Variants in FBXL12 observed in about 807,000 individuals in gnomAD.
FBXL12 encodes F-box/LRR-repeat protein 12.
In FBXL12, 22 loss-of-function variants were observed where a neutral mutation model predicts 24.9. The ratio of observed to expected loss-of-function variants is 0.88; its 90% CI spans 0.63 to 1.26. FBXL12 has a LOEUF of 1.26. Ranked by LOEUF, FBXL12 falls within the 50% of genes most tolerant of loss-of-function variation. The pLI is 0.00. For missense variants in FBXL12, 384 were observed against 434.1 expected (o/e 0.88, Z 1.03); for synonymous variants, 193 against 193.8 (o/e 1.00, Z 0.03).
chr19:9,811,384 G>C lies in FBXL12; in HGVS notation c.493C>G (p.Arg165Gly), dbSNP rs778279748. 2 of 1,612,628 alleles carry C rather than the reference G, an allele frequency of 1.2e-6. No individual in the cohort carries two copies. The highest frequency in any genetic ancestry group is 1.7e-6 in the Non-Finnish European group (2 of 1,179,960). The change falls in exon 3 of 3, where the codon CGT (arginine) becomes GGT (glycine). Residue 165 changes from arginine to glycine, a missense_variant. By Grantham distance (125) the Arg-to-Gly change is moderately radical (BLOSUM62 -2). Transcript: ENST00000247977. The surrounding 1 kb of genome is among the most constrained non-coding windows in gnomAD (Gnocchi z 6.0). ...GTCAGGCCCTGCAGGTGCTCGTCAC[G>C]GAAGGCGGGGACGCGGTCCAGCACG... Reference protein sequence around the residue: ...CIVLDRVPAFRDEHLQGLTRF... With the variant: ...CIVLDRVPAFGDEHLQGLTRF...
intron 2 of FBXL12, among the ~76,000 whole-genome samples, chr19:9,815,743 C>T (rs1253156568): frequency 6.6e-6 from 1 of 152,034 alleles, no homozygotes; most frequent in East Asian, 1.9e-4. Flanking sequence ...CAACCTTTGC[C>T]TCCCGGGTTC....
At chr19:9,816,833 C>T (rs1028993100) in intron 2 of FBXL12, among the ~76,000 whole-genome samples, 4 of 152,158 alleles carry the variant, frequency 2.6e-5, no homozygotes, top group Admixed American at 1.3e-4. Flanking sequence ...TAAAGACATA[C>T]CTGAGACTGG....
chr19:9,810,787 G>T lies in FBXL12; in HGVS notation c.*109C>A. On this transcript the variant is annotated 3_prime_UTR_variant, in exon 3 of 3. Coordinates refer to ENST00000247977, the MANE Select transcript of FBXL12 (RefSeq NM_017703.3). The stretch of plus-strand genomic sequence containing the variant: ...CTAGGCCTCTGTTCTCTCAACCTGG[G>T]GCTTTCAGTTTCCTCAAGTCTGATT... 1.2e-6 allele frequency: 1 copy of T among 857,098 alleles called. No individual in the cohort carries two copies. Among genetic ancestry groups the T allele is most frequent in the Non-Finnish European group, 1.8e-6 (1 of 565,820 alleles). The allele number at this position is 857,098 out of a possible 1,614,324, so 53.1% of individuals were successfully genotyped here. A position where few individuals can be genotyped will look rare whatever the true frequency, so the allele number is the denominator to read the frequency against.
chr19:9,818,139 G>A (rs921070613), intron 2 of FBXL12: 17 of 401,236 alleles, frequency 4.2e-5, no homozygotes, highest in Non-Finnish European at 7.5e-5. Flanking sequence ...TTGAGCTTGG[G>A]AGGTCGAGGC....
intron 2 of FBXL12, chr19:9,818,332 G>C (rs1373943634): frequency 1.7e-6 from 1 of 596,960 alleles, no homozygotes; most frequent in Admixed American, 3.0e-5. Context: ...CGTGAGGCAG[G>C]TACTGTCCTT....
intron 2 of FBXL12, among the ~76,000 whole-genome samples, chr19:9,813,864 C>T (rs985514935): frequency 3.3e-5 from 5 of 151,838 alleles, no homozygotes; most frequent in African/African-American, 1.2e-4. Context: ...GTCTCAAACA[C>T]CCGACCTCAA....
Position 9,810,892 on chromosome 19 carries a change from G to A in FBXL12, c.*4C>T. 6.4e-7 allele frequency: 1 copy of A among 1,569,266 alleles called. No individual in the cohort carries two copies. The highest frequency in any genetic ancestry group is 1.1e-5 in the South Asian group (1 of 87,506). ...GGGATGGGTCCCAAGGGCAGGTGGAGTAGTTACATCCACCAGTCCATAGAC... is the reference window on the plus strand; with the variant it reads ...GGGATGGGTCCCAAGGGCAGGTGGAATAGTTACATCCACCAGTCCATAGAC... On this transcript the variant is annotated 3_prime_UTR_variant, in exon 3 of 3. Transcript: ENST00000247977.
chr19:9,819,061 G>A lies in FBXL12; in HGVS notation c.-248C>T, dbSNP rs1051263228. On this transcript the variant is annotated 5_prime_UTR_variant, in exon 1 of 3. Coordinates refer to ENST00000247977, the MANE Select transcript of FBXL12 (RefSeq NM_017703.3). ...GAGGTGGCTGAGGCGTGATTTGGCC[G>A]CGACTGGGAACTAAGACCAAGTCCA... 2 of 572,108 alleles carry A rather than the reference G, an allele frequency of 3.5e-6. No individual in the cohort carries two copies. Among genetic ancestry groups the A allele is most frequent in the African/African-American group, 3.8e-5 (2 of 53,224 alleles). The allele number at this position is 572,108 out of a possible 1,614,324, so 35.4% of individuals were successfully genotyped here. A position where few individuals can be genotyped will look rare whatever the true frequency, so the allele number is the denominator to read the frequency against.
At position 9,810,966 on chromosome 19, in the gene FBXL12, C is replaced by T; in HGVS notation, c.911G>A (p.Cys304Tyr). 1 of 1,613,160 alleles carries T rather than the reference C, an allele frequency of 6.2e-7. No homozygotes were observed. The highest frequency in any genetic ancestry group is 8.5e-7 in the Non-Finnish European group (1 of 1,179,396). ...WEGQEAEKIL[C>Y]KGLPHCMVIV... is the part of the protein sequence containing the mutation. ...GACCATACAGTGGGGCAGCCCCTTA[C>T]ACAGGATCTTCTCCGCCTCCTGACC... is the stretch of plus-strand genomic sequence containing the variant. Residue 304 changes from cysteine (C) to tyrosine (Y), a missense_variant, in exon 3 of 3, where the codon TGT becomes TAT. Cys to Tyr is a radical substitution (Grantham distance 194, BLOSUM62 -2). Transcript: ENST00000247977.
At chr19:9,812,679 T>C (rs1224578464) in intron 2 of FBXL12, among the ~76,000 whole-genome samples, 1 of 148,554 alleles carries the variant, frequency 6.7e-6, no homozygotes, top group Non-Finnish European at 1.5e-5. Context: ...CCTTTCTTAA[T>C]GATCACCTCC....
chr19:9,813,983 T>C lies in FBXL12; in HGVS notation c.160-2266A>G, dbSNP rs575113315. On this transcript the variant is annotated intron_variant, in intron 2 of 2. Coordinates refer to ENST00000247977, the MANE Select transcript of FBXL12 (RefSeq NM_017703.3). Reference sequence around the variant, plus strand: ...AAACTCTTCCATTCACTGAAGAAAATAGCTTATCATCAATCCTTCAGAAAG... The same window carrying C: ...AAACTCTTCCATTCACTGAAGAAAACAGCTTATCATCAATCCTTCAGAAAG... Among the ~76,000 whole-genome samples, 104 of 152,186 alleles carry C rather than the reference T, an allele frequency of 6.8e-4. 1 individual carries two copies. The Middle Eastern group carries it at 0.027, about 40-fold the overall frequency.
At chr19:9,816,214 T>C (rs1355970248) in intron 2 of FBXL12, among the ~76,000 whole-genome samples, 1 of 152,178 alleles carries the variant, frequency 6.6e-6, no homozygotes, top group Admixed American at 6.5e-5. Flanking sequence ...TGACATGGCC[T>C]GGAGACATTT....
In FBXL12 at chr19:9,818,754, C is replaced by A. The variant is rs990802472; in HGVS notation, c.60G>T (p.Pro20=). 3.2e-6 allele frequency: 5 copies of A among 1,552,850 alleles called. No homozygotes were observed. The African/African-American group carries it at 4.1e-5, about 13-fold the overall frequency. Residue 20 remains proline, a synonymous_variant, in exon 1 of 3, where the codon CCG becomes CCT. Transcript: ENST00000247977. ...SVLLEIFSYL[P]VRDRIRISRV... ...TGGAGATGCGGATCCGGTCCCGTAC[C>A]GGGAGGTAAGAGAAGATCTCGAGCA...
chr19:9,811,589 G>A lies in FBXL12; in HGVS notation c.288C>T (p.Ala96=). ...APQLSPALLR[A]LGQKCPNLKR... Reference sequence around the variant, plus strand: ...TCAGGTTGGGGCACTTCTGGCCCAGGGCTCTCAACAGAGCAGGGGACAACT... The same window carrying A: ...TCAGGTTGGGGCACTTCTGGCCCAGAGCTCTCAACAGAGCAGGGGACAACT... Residue 96 remains alanine (A), a synonymous_variant, in exon 3 of 3, where the codon GCC becomes GCT. Transcript: ENST00000247977. This position sits in a 1 kb window ranked among gnomAD's most constrained non-coding sequence, Gnocchi z 6.0. The A allele has an allele frequency of 6.3e-7, 1 of 1,577,474 alleles. No homozygotes were observed. The highest frequency in any genetic ancestry group is 8.6e-7 in the Non-Finnish European group (1 of 1,159,536).
chr19:9,817,484 G>T (rs2045909227), intron 2 of FBXL12, among the ~76,000 whole-genome samples: 1 of 152,140 alleles, frequency 6.6e-6, no homozygotes, highest in Non-Finnish European at 1.5e-5. Context: ...CAAAACCAAT[G>T]GACGAATCAA....
In FBXL12 at chr19:9,811,584, C is replaced by A; in HGVS notation, c.293G>T (p.Gly98Val). The change falls in exon 3 of 3, where the codon GGC (glycine) becomes GTC (valine). Residue 98 changes from glycine to valine, a missense_variant. Coordinates refer to ENST00000247977, the MANE Select transcript of FBXL12 (RefSeq NM_017703.3). This position sits in a 1 kb window ranked among gnomAD's most constrained non-coding sequence, Gnocchi z 6.0. ...QLSPALLRAL[G>V]QKCPNLKRLC... is the part of the protein sequence containing the mutation. ...GCGCTTCAGGTTGGGGCACTTCTGG[C>A]CCAGGGCTCTCAACAGAGCAGGGGA... is the stretch of plus-strand genomic sequence containing the variant. 1 of 1,583,954 alleles carries A rather than the reference C, an allele frequency of 6.3e-7. No individual in the cohort carries two copies.
chr19:9,811,577 C>T lies in FBXL12; in HGVS notation c.300G>A (p.Lys100=), dbSNP rs1457344145. ...GGCAGAGGCGCTTCAGGTTGGGGCA[C>T]TTCTGGCCCAGGGCTCTCAACAGAG... ...SPALLRALGQ[K]CPNLKRLCLH... is the part of the protein sequence containing the mutation. Residue 100 remains lysine (K), a synonymous_variant, in exon 3 of 3, where the codon AAG becomes AAA. Coordinates refer to ENST00000247977, the MANE Select transcript of FBXL12 (RefSeq NM_017703.3). This position sits in a 1 kb window ranked among gnomAD's most constrained non-coding sequence, Gnocchi z 6.0. The T allele has an allele frequency of 1.3e-6, 2 of 1,589,444 alleles. No homozygotes were observed. Among genetic ancestry groups the T allele is most frequent in the Non-Finnish European group, 1.7e-6 (2 of 1,165,872 alleles).
Position 9,811,785 on chromosome 19 carries a change from G to A in FBXL12, c.160-68C>T. On this transcript the variant is annotated intron_variant, in intron 2 of 2. Transcript: ENST00000247977. The surrounding 1 kb of genome is among the most constrained non-coding windows in gnomAD (Gnocchi z 6.0). Reference sequence around the variant, plus strand: ...AGCTTCCAAGGCCCCTGCTGGGCTGGAGACACACAACCCCGGGGTGGGGGA... The same window carrying A: ...AGCTTCCAAGGCCCCTGCTGGGCTGAAGACACACAACCCCGGGGTGGGGGA... 1 of 1,349,200 alleles carries A rather than the reference G, an allele frequency of 7.4e-7. No individual in the cohort carries two copies. The highest frequency in any genetic ancestry group is 1.7e-5 in the South Asian group (1 of 58,788). 83.6% of individuals were successfully genotyped at this position (1,349,200 alleles called of 1,614,324 possible).
intron 2 of FBXL12, chr19:9,814,795 G>A (rs751561194): frequency 2.6e-5 from 4 of 151,662 alleles, no homozygotes; most frequent in African/African-American, 7.3e-5. Flanking sequence ...TCACTATCAC[G>A]AGAATAGCAT....
Sources: allele counts gnomAD v4.1 joint callset (sites outside exome capture counted in the v4.1 genomes callset), GRCh38; gene constraint gnomAD v4.1.1; non-coding constraint Gnocchi (gnomAD v3.1); transcripts MANE v1.5; gene names NCBI Gene and HGNC (gene_info 2026-07-23, HGNC 2026-07-21).